Variants in SH3BP2 observed in about 807,000 individuals in gnomAD.
SH3BP2 encodes the protein SH3 domain binding protein 2.
Under a neutral mutation model 56.2 loss-of-function variants are expected in SH3BP2, and 38 were observed. That is an observed-to-expected ratio of 0.68 (90% confidence interval 0.52 to 0.89). SH3BP2 has a LOEUF of 0.89. Among genes scored for constraint, SH3BP2 ranks in the 40% least tolerant of loss-of-function variants. SH3BP2 has a pLI of 0.00. For synonymous variants in SH3BP2, 346 were observed against 316.7 expected, an observed-to-expected ratio of 1.09 and a Z score of -0.98; for missense variants, 748 against 762.6, an observed-to-expected ratio of 0.98 and a Z score of 0.23.
At chr4:2,828,678 G>A (rs1292837528) in intron 7 of SH3BP2, among the ~76,000 whole-genome samples, 1 of 152,182 alleles carries the variant, frequency 6.6e-6, no homozygotes, top group East Asian at 1.9e-4. Flanking sequence ...ATGGGCCTGG[G>A]GAGCCACCAG....
At position 2,810,101 on chromosome 4, in the gene SH3BP2, C is replaced by G. The variant is rs1004115292; in HGVS notation, c.-4-10513C>G. Among the ~76,000 whole-genome samples, 1 of 152,170 alleles carries G rather than the reference C, an allele frequency of 6.6e-6. No homozygotes were observed. The highest frequency in any genetic ancestry group is 1.5e-5 in the Non-Finnish European group (1 of 68,016). On this transcript the variant is annotated intron_variant, in intron 1 of 12. Transcript: ENST00000503393. The surrounding 1 kb of genome is among the most constrained non-coding windows in gnomAD (Gnocchi z 4.2). ...GGCCTGTGTTTAGGAATATGAACGG[C>G]AGTGTCATATGCCGCAGGGATGAAG...
intron 3 of SH3BP2, among the ~76,000 whole-genome samples, chr4:2,823,970 T>G (rs994155674): frequency 2.6e-5 from 4 of 152,220 alleles, no homozygotes; most frequent in Non-Finnish European, 5.9e-5. Context: ...CCTTCCGGCC[T>G]CCAGCATGTG....
chr4:2,810,928 GTC>G lies in SH3BP2; in HGVS notation c.-4-9684_-4-9683del, dbSNP rs999646578. The stretch of plus-strand genomic sequence containing the variant: ...GTCCGTGCCCTCCTCGCTGCCCTCT[GTC>G]TGTCTGCCTGCTGTGGCCAGCCTTC... On this transcript the variant is annotated intron_variant, in intron 1 of 12. Coordinates refer to ENST00000503393, the MANE Select transcript of SH3BP2 (RefSeq NM_001122681.2). The surrounding 1 kb of genome is among the most constrained non-coding windows in gnomAD (Gnocchi z 4.2). Among the ~76,000 whole-genome samples the G allele has an allele frequency of 2.0e-5, 3 of 152,232 alleles. No homozygotes were observed. Among genetic ancestry groups the G allele is most frequent in the Non-Finnish European group, 1.5e-5 (1 of 68,042 alleles).
chr4:2,825,580 C>G (rs1724570020), intron 5 of SH3BP2, among the ~76,000 whole-genome samples: 1 of 150,592 alleles, frequency 6.6e-6, no homozygotes, highest in South Asian at 2.1e-4. Flanking sequence ...AAACACAGAG[C>G]AACACACAGA....
At position 2,824,731 on chromosome 4, in the gene SH3BP2, G is replaced by A; in HGVS notation, c.357+1G>A. ...GGCCTCCTCCGAGGAGGAGCGCAAG[G>A]TGACTGGGGGTCCGAGGACGAGTGC... On this transcript the variant is annotated splice_donor_variant, in intron 4 of 12. Coordinates refer to ENST00000503393, the MANE Select transcript of SH3BP2 (RefSeq NM_001122681.2). LOFTEE classifies it high-confidence loss of function. The A allele has an allele frequency of 6.2e-7, 1 of 1,603,100 alleles. No individual in the cohort carries two copies. Among genetic ancestry groups the A allele is most frequent in the Non-Finnish European group, 8.5e-7 (1 of 1,170,410 alleles).
At chr4:2,815,359 G>A (rs1197554034) in intron 1 of SH3BP2, among the ~76,000 whole-genome samples, 1 of 152,198 alleles carries the variant, frequency 6.6e-6, no homozygotes, top group Non-Finnish European at 1.5e-5. Flanking sequence ...ATTCCCAGGG[G>A]AGGTGAGGGT....
chr4:2,833,072 G>T, intron 12 of SH3BP2, 23 bp downstream of exon 12: 1 of 1,611,452 alleles, frequency 6.2e-7, no homozygotes, highest in Non-Finnish European at 8.5e-7. Flanking sequence ...TGAGTGGGAC[G>T]GGGACCCTGG....
At chr4:2,830,341 C>T (rs1252991010) in intron 8 of SH3BP2, among the ~76,000 whole-genome samples, 194 bp downstream of exon 8, 1 of 152,090 alleles carries the variant, frequency 6.6e-6, no homozygotes, top group Non-Finnish European at 1.5e-5. Context: ...TGACTCAGCC[C>T]TGAAGCTTGC....
At chr4:2,796,490 T>A in intron 1 of SH3BP2, 1 of 982,228 alleles carries the variant, frequency 1.0e-6, no homozygotes, top group Non-Finnish European at 1.2e-6. Context: ...GGCCCTTTCT[T>A]CATGGATTCC....
At chr4:2,815,274 G>A (rs1211546080) in intron 1 of SH3BP2, among the ~76,000 whole-genome samples, 5 of 152,222 alleles carry the variant, frequency 3.3e-5, no homozygotes, top group Non-Finnish European at 5.9e-5. Context: ...AAGGTGGCAG[G>A]GGTGGGTTTC....
intron 1 of SH3BP2, among the ~76,000 whole-genome samples, chr4:2,798,192 G>T (rs1723121729): frequency 6.6e-6 from 1 of 152,300 alleles, no homozygotes; most frequent in East Asian, 1.9e-4. Flanking sequence ...GTGAGGAAGA[G>T]CCGCCGAGCG....
At chr4:2,797,065 G>A (rs965135613) in intron 1 of SH3BP2, among the ~76,000 whole-genome samples, 13 of 152,166 alleles carry the variant, frequency 8.5e-5, no homozygotes, top group Admixed American at 7.2e-4. Flanking sequence ...GGGCAGCTCC[G>A]TTTGGGGGAG....
At chr4:2,802,013 C>T (rs918376156) in intron 1 of SH3BP2, among the ~76,000 whole-genome samples, 4 of 152,098 alleles carry the variant, frequency 2.6e-5, no homozygotes, top group South Asian at 2.1e-4. Flanking sequence ...GAGGCTGAGA[C>T]GTGAGAATTG....
intron 7 of SH3BP2, among the ~76,000 whole-genome samples, chr4:2,828,055 C>T (rs1430327492): frequency 6.6e-6 from 1 of 152,136 alleles, no homozygotes; most frequent in Non-Finnish European, 1.5e-5. Flanking sequence ...TTGTCCCACC[C>T]CACCCCATCC....
chr4:2,828,059 C>T (rs984673069), intron 7 of SH3BP2, among the ~76,000 whole-genome samples: 4 of 152,114 alleles, frequency 2.6e-5, no homozygotes, highest in East Asian at 1.9e-4. Context: ...CCCACCCCAC[C>T]CCATCCCATC....
rs367674122 is a variant in SH3BP2 at position 2,833,673 on chromosome 4, G to A, written c.1549-24G>A. On this transcript the variant is annotated intron_variant, in intron 12 of 12. Coordinates refer to ENST00000503393, the MANE Select transcript of SH3BP2 (RefSeq NM_001122681.2). ...CGCAGAGTGGCCTGGCCCTGCTGAC[G>A]CTCCCCCTTCTCTTCCCCCACAGGA... is the stretch of plus-strand genomic sequence containing the variant. 1.1e-4 allele frequency: 184 copies of A among 1,605,038 alleles called. 1 individual carries two copies. The highest frequency in any genetic ancestry group is 1.0e-3 in the African/African-American group (77 of 74,778).
chr4:2,837,534 G>A lies in SH3BP2; in HGVS notation c.*3700G>A, dbSNP rs1725276569. ...TCCCTGAGGCAGGCAGGGCTTATTG[G>A]GGCCATTTCATAGAAAGGCAGATTG... On this transcript the variant is annotated 3_prime_UTR_variant, in exon 13 of 13. Transcript: ENST00000503393. 6.6e-6 allele frequency: 1 copy of A among 152,300 alleles called. No homozygotes were observed. The highest frequency in any genetic ancestry group is 6.5e-5 in the Admixed American group (1 of 15,268). 9.4% of individuals were successfully genotyped at this position (152,300 alleles called of 1,614,324 possible).
intron 5 of SH3BP2, chr4:2,826,975 TTGTC>T (rs1724686594): frequency 1.5e-6 from 1 of 650,536 alleles, no homozygotes; most frequent in Non-Finnish European, 2.8e-6. Flanking sequence ...ATTTGTGTGT[TTGTC>T]AGAGTATGTG....
intron 7 of SH3BP2, among the ~76,000 whole-genome samples, chr4:2,828,502 C>T (rs947867009): frequency 2.0e-5 from 3 of 152,292 alleles, no homozygotes; most frequent in Admixed American, 6.5e-5. Flanking sequence ...GTCTGCGGGC[C>T]GCTTGCCTCA....
Sources: allele counts gnomAD v4.1 joint callset (sites outside exome capture counted in the v4.1 genomes callset), GRCh38; gene constraint gnomAD v4.1.1; non-coding constraint Gnocchi (gnomAD v3.1); transcripts MANE v1.5; gene names NCBI Gene and HGNC (gene_info 2026-07-23, HGNC 2026-07-21).